LRWD1: variants seen among roughly 807,000 people sequenced by gnomAD.
LRWD1 encodes leucine-rich repeat and WD repeat-containing protein 1.
Under a neutral mutation model 75.6 loss-of-function variants are expected in LRWD1, and 76 were observed. The ratio of observed to expected loss-of-function variants is 1.01; its 90% confidence interval spans 0.84 to 1.22. LRWD1 has a LOEUF of 1.22. Among genes scored for constraint, LRWD1 ranks in the 50% most tolerant of loss-of-function variants. The probability of loss-of-function intolerance (pLI) is 0.00; values close to 1 mark genes in which losing one functional copy is unlikely to be tolerated. For missense variants in LRWD1, 917 were observed against 862.0 expected, an observed-to-expected ratio of 1.06 and a Z score of -0.80; for synonymous variants, 487 against 377.0, an observed-to-expected ratio of 1.29 and a Z score of -3.38.
At chr7:102,468,019 GC>G in intron 5 of LRWD1, 42 bp from the exon 6 acceptor site, 1 of 1,592,150 alleles carries the variant, frequency 6.3e-7, no homozygotes. Context: ...GAGGAAGGAA[GC>G]CCCAGGCAGA....
Position 102,467,826 on chromosome 7 carries a change from G to GAGTGCAGCTCCCAGGGCT in LRWD1, c.678+4_678+21dup. On this transcript the variant is annotated splice_donor_region_variant and intron_variant, in intron 5 of 14. Transcript: ENST00000292616. ...CTGGAGCTGCCCACAAGCCCAGGGT[G>GAGTGCAGCTCCCAGGGCT]AGTGCAGCTCCCAGGGCTCTGAGGC... 1 of 1,549,772 alleles carries GAGTGCAGCTCCCAGGGCT rather than the reference G, an allele frequency of 6.5e-7. No individual in the cohort carries two copies. The highest frequency in any genetic ancestry group is 1.2e-5 in the South Asian group (1 of 83,978).
At chr7:102,468,789 C>T (rs1043418336) in intron 8 of LRWD1, 66 bp from the exon 9 acceptor site, 12 of 1,569,880 alleles carry the variant, frequency 7.6e-6, no homozygotes, top group South Asian at 3.4e-5. Flanking sequence ...CCCCCAGGCC[C>T]GGGCTACCCG....
chr7:102,465,236 C>A, intron 1 of LRWD1, 76 bp downstream of exon 1: 1 of 1,296,454 alleles, frequency 7.7e-7, no homozygotes, highest in Non-Finnish European at 1.0e-6. Flanking sequence ...CCCTCCCCAA[C>A]GGCCCGCTTG....
Position 102,465,164 on chromosome 7 carries a change from A to G in LRWD1, c.80+4A>G. On this transcript the variant is annotated splice_donor_region_variant and intron_variant, in intron 1 of 14. Coordinates refer to ENST00000292616, the MANE Select transcript of LRWD1 (RefSeq NM_152892.3). ...TGGGGAAGATCCGGAGTCTGGAGTA[A>G]GAGCCGGGCAGCGGGTGAGGCTGTG... 6.7e-7 allele frequency: 1 copy of G among 1,497,144 alleles called. No homozygotes were observed. Among genetic ancestry groups the G allele is most frequent in the Non-Finnish European group, 8.9e-7 (1 of 1,126,274 alleles). 92.7% of individuals were successfully genotyped at this position (1,497,144 alleles called of 1,614,324 possible).
chr7:102,472,188 G>A lies in LRWD1; in HGVS notation c.1443-30G>A, dbSNP rs199773228. 171 of 1,561,858 alleles carry A rather than the reference G, an allele frequency of 1.1e-4. 1 individual carries two copies. The East Asian group carries it at 3.6e-3, about 33-fold the overall frequency. Reference sequence around the variant, plus strand: ...GGGCAGCTCTCTATCTGCAAGGAATGGCCAACTAGCATCTCGTGCTGCCCC... The same window carrying A: ...GGGCAGCTCTCTATCTGCAAGGAATAGCCAACTAGCATCTCGTGCTGCCCC... On this transcript the variant is annotated intron_variant, in intron 11 of 14. Transcript: ENST00000292616.
At position 102,472,732 on chromosome 7, in the gene LRWD1, G is replaced by T. The variant is rs767514553; in HGVS notation, c.1731G>T (p.Val577=). ...TCTGTGGGGATGAGGAGGGCAACGTGTGGCTCTACGACGTCAGCAACATCC... is the reference window on the plus strand; with the variant it reads ...TCTGTGGGGATGAGGAGGGCAACGTTTGGCTCTACGACGTCAGCAACATCC... ...IVLCGDEEGN[V]WLYDVSNILK... Residue 577 remains valine (V), a synonymous_variant, in exon 14 of 15, where the codon GTG becomes GTT. Coordinates refer to ENST00000292616, the MANE Select transcript of LRWD1 (RefSeq NM_152892.3). The T allele has an allele frequency of 9.3e-6, 15 of 1,613,552 alleles. No homozygotes were observed. The highest frequency in any genetic ancestry group is 1.2e-5 in the Non-Finnish European group (14 of 1,179,962).
chr7:102,468,251 C>T lies in LRWD1; in HGVS notation c.805-12C>T. On this transcript the variant is annotated splice_polypyrimidine_tract_variant and intron_variant, in intron 6 of 14. Coordinates refer to ENST00000292616, the MANE Select transcript of LRWD1 (RefSeq NM_152892.3). ...GGGGCTGGGCAGCTGTGACCCTTCT[C>T]TCCCCCCACAGCCTGCTGTGAAGCT... 6.2e-7 allele frequency: 1 copy of T among 1,603,346 alleles called. No homozygotes were observed. The highest frequency in any genetic ancestry group is 8.5e-7 in the Non-Finnish European group (1 of 1,175,880).
rs779060377 is a variant in LRWD1, at chr7:102,472,530, C to T, written c.1611C>T (p.Ser537=). The change falls in exon 13 of 15, where the codon TCC becomes TCT. Residue 537 remains serine (S), a synonymous_variant. Coordinates refer to ENST00000292616, the MANE Select transcript of LRWD1 (RefSeq NM_152892.3). The part of the protein sequence containing the change: ...RQTWGGRGSQ[S]TVAVVVLARL... ...CGTGGGGGGGCCGGGGCAGCCAGTC[C>T]ACGGTGGCAGTGGTGGTCCTGGCGC... 16 of 1,580,302 alleles carry T rather than the reference C, an allele frequency of 1.0e-5. No homozygotes were observed. Among genetic ancestry groups the T allele is most frequent in the East Asian group, 2.3e-5 (1 of 43,220 alleles).
At position 102,469,973 on chromosome 7, in the gene LRWD1, G is replaced by A. The variant is rs1023934406; in HGVS notation, c.1442+91G>A. 34 of 1,401,542 alleles carry A rather than the reference G, an allele frequency of 2.4e-5. 1 individual carries two copies. The highest frequency in any genetic ancestry group is 2.3e-4 in the South Asian group (15 of 66,000). The allele number at this position is 1,401,542 out of a possible 1,614,324, so 86.8% of individuals were successfully genotyped here. On this transcript the variant is annotated intron_variant, in intron 11 of 14. Transcript: ENST00000292616. The stretch of plus-strand genomic sequence containing the variant: ...GGCTCACAGCAGCCTGGGCACACCC[G>A]GGTAACCATAAGGGTTGTTTTTAGA...
At chr7:102,471,385 T>G (rs1798179892) in intron 11 of LRWD1, 1 of 154,290 alleles carries the variant, frequency 6.5e-6, no homozygotes, top group African/African-American at 2.4e-5. Flanking sequence ...GATTTTTAGC[T>G]TACCTACAAC....
At position 102,468,556 on chromosome 7, in the gene LRWD1, G is replaced by A. The variant is rs1297906013; in HGVS notation, c.922G>A (p.Ala308Thr). 6.4e-7 allele frequency: 1 copy of A among 1,567,348 alleles called. No individual in the cohort carries two copies. Among genetic ancestry groups the A allele is most frequent in the South Asian group, 1.2e-5 (1 of 85,244 alleles). The change falls in exon 8 of 15, where the codon GCC becomes ACC. Residue 308 changes from alanine to threonine, a missense_variant and splice_region_variant. Coordinates refer to ENST00000292616, the MANE Select transcript of LRWD1 (RefSeq NM_152892.3). ...ACCTCTCAAAACCGGGCACTCAGGG[G>A]CCACATCCCAGACCGTGGCCACGTG... is the stretch of plus-strand genomic sequence containing the variant. The part of the protein sequence containing the change: ...CAFEPAWEEG[A>T]TSQTVATCGG...
Position 102,468,392 on chromosome 7 carries a change from G to T in LRWD1, c.919+15G>T. ...CTGGGAGGAGGGTACATGGTGGCGG[G>T]CAGGCGGGGCAAGGGCCGCTGGAAA... is the stretch of plus-strand genomic sequence containing the variant. On this transcript the variant is annotated intron_variant, in intron 7 of 14. Transcript: ENST00000292616. The T allele has an allele frequency of 6.3e-7, 1 of 1,586,650 alleles. No homozygotes were observed. Among genetic ancestry groups the T allele is most frequent in the Non-Finnish European group, 8.6e-7 (1 of 1,166,810 alleles).
intron 3 of LRWD1, among the ~76,000 whole-genome samples, 163 bp downstream of exon 3, chr7:102,466,433 G>C (rs112664314): frequency 0.076 from 11,566 of 151,524 alleles, 509 homozygotes; most frequent in African/African-American, 0.1. Flanking sequence ...TTTATTTTTT[G>C]AGATGGAGTC....
At chr7:102,466,606 C>T (rs1037766907) in intron 3 of LRWD1, among the ~76,000 whole-genome samples, 4 of 151,864 alleles carry the variant, frequency 2.6e-5, no homozygotes, top group Admixed American at 6.6e-5. Flanking sequence ...TTAGTAGAGA[C>T]AGGGTTTCAC....
chr7:102,467,097 A>T (rs868257838), intron 3 of LRWD1, among the ~76,000 whole-genome samples: 1 of 77,236 alleles, frequency 1.3e-5, no homozygotes, highest in Non-Finnish European at 2.5e-5. Flanking sequence ...GTGTGTGTGT[A>T]GGCACCTGGG....
At chr7:102,471,159 T>TG (rs1281795525) in intron 11 of LRWD1, 1 of 151,982 alleles carries the variant, frequency 6.6e-6, no homozygotes, top group African/African-American at 2.4e-5. Context: ...CTCGAACTCC[T>TG]GACCTCAGGT....
chr7:102,471,751 C>T, intron 11 of LRWD1: 1 of 185,048 alleles, frequency 5.4e-6, no homozygotes, highest in Admixed American at 5.4e-5. Flanking sequence ...CCCCCATTCC[C>T]CCGTCTTTTG....
intron 1 of LRWD1, 162 bp from the exon 2 acceptor site, chr7:102,465,655 G>A (rs2091087076): frequency 1.6e-6 from 1 of 620,338 alleles, no homozygotes; most frequent in Non-Finnish European, 2.9e-6. Flanking sequence ...CTAGGCGACT[G>A]AGTGACACCC....
intron 9 of LRWD1, among the ~76,000 whole-genome samples, chr7:102,469,363 A>C (rs1798117588): frequency 6.6e-6 from 1 of 152,208 alleles, no homozygotes; most frequent in Non-Finnish European, 1.5e-5. Context: ...TGGATGAGCC[A>C]CAGGAAGTGG....
Sources: gnomAD v4.1 joint callset for allele counts (sites outside exome capture counted in the v4.1 genomes callset) on GRCh38, gnomAD v4.1.1 for gene constraint, MANE v1.5 for transcripts, NCBI Gene and HGNC (gene_info 2026-07-23, HGNC 2026-07-21) for gene names.